The following MID1 variants were observed in gnomAD, a reference collection of about 807,000 sequenced individuals.
The protein encoded by MID1 is midline 1, also known as E3 ubiquitin-protein ligase Midline-1.
MID1 carries 7 observed loss-of-function variants against 40.4 expected under a neutral mutation model. The ratio of observed to expected loss-of-function variants is 0.17; its 90% CI spans 0.10 to 0.33. The LOEUF (loss-of-function observed/expected upper bound fraction) is 0.33. Among genes scored for constraint, MID1 ranks in the 10% least tolerant of loss-of-function variants. MID1 has a pLI of 1.00. For synonymous variants in MID1, 229 were observed against 221.2 expected, an observed-to-expected ratio of 1.04 and a Z score of -0.31; for missense variants, 367 against 558.5, an observed-to-expected ratio of 0.66 and a Z score of 3.46.
At chrX:10,791,207 T>C (rs931939483) in intron 1 of MID1, among the ~76,000 whole-genome samples, 3 of 112,252 alleles carry the variant, frequency 2.7e-5, no homozygotes, top group Non-Finnish European at 5.6e-5. Context: ...TCATTAGGCA[T>C]TGGGAGCACA....
At chrX:10,469,492 T>C in intron 7 of MID1, 1 of 1,139,325 alleles carries the variant, frequency 8.8e-7, no homozygotes, top group Non-Finnish European at 1.2e-6. Flanking sequence ...TTGCTAGAGG[T>C]CATTAATTTT....
intron 1 of MID1, among the ~76,000 whole-genome samples, chrX:10,584,772 A>G: frequency 8.9e-6 from 1 of 112,190 alleles, no homozygotes; most frequent in Admixed American, 9.4e-5. Context: ...TTAGAAGGAA[A>G]ATAATCGCAG....
At chrX:10,607,969 A>G in intron 1 of MID1, among the ~76,000 whole-genome samples, 1 of 112,843 alleles carries the variant, frequency 8.9e-6, no homozygotes, top group East Asian at 2.8e-4. Context: ...ATTATGTGTG[A>G]GAATTTTACC....
At chrX:10,761,795 T>C (rs914472412) in intron 1 of MID1, among the ~76,000 whole-genome samples, 5 of 111,958 alleles carry the variant, frequency 4.5e-5, no homozygotes, top group African/African-American at 1.6e-4. Flanking sequence ...ATGAAGGTAG[T>C]TTGTTATGGG....
chrX:10,506,560 G>A (rs751607373), intron 3 of MID1: 37 of 507,337 alleles, frequency 7.3e-5, no homozygotes, highest in African/African-American at 6.9e-4. Context: ...GGGGAAGGTA[G>A]GCATTAACTT....
intron 1 of MID1, among the ~76,000 whole-genome samples, chrX:10,689,454 C>G (rs2043119290): frequency 9.0e-6 from 1 of 111,497 alleles, no homozygotes; most frequent in Admixed American, 9.5e-5. Context: ...CCCATCAGTT[C>G]CCTCCCCTGA....
At chrX:10,582,875 GC>G (rs772401447) in intron 1 of MID1, 1 of 111,645 alleles carries the variant, frequency 9.0e-6, no homozygotes, top group Non-Finnish European at 1.9e-5. Flanking sequence ...GATTAGCATG[GC>G]CCCAATGCAA....
chrX:10,706,806 G>A (rs780131797), intron 1 of MID1, among the ~76,000 whole-genome samples: 1 of 111,633 alleles, frequency 9.0e-6, no homozygotes, highest in African/African-American at 3.3e-5. Flanking sequence ...TATTGAAAAC[G>A]TTCCTGAAAC....
chrX:10,631,511 T>C (rs1936052041), intron 1 of MID1, among the ~76,000 whole-genome samples: 1 of 111,518 alleles, frequency 9.0e-6, no homozygotes, highest in Non-Finnish European at 1.9e-5. Context: ...CCCTTAACCA[T>C]AGAACTATGA....
At chrX:10,475,551 T>C (rs771564924) in intron 5 of MID1, among the ~76,000 whole-genome samples, 1 of 112,271 alleles carries the variant, frequency 8.9e-6, no homozygotes, top group African/African-American at 3.2e-5. Flanking sequence ...AACACTTTGA[T>C]TCAAAAATGC....
intron 1 of MID1, among the ~76,000 whole-genome samples, chrX:10,741,520 A>T (rs1269705395): frequency 9.2e-6 from 1 of 108,439 alleles, no homozygotes; most frequent in Non-Finnish European, 1.9e-5. Flanking sequence ...AGAAGATTTC[A>T]GTCCTTGAAA....
At chrX:10,682,673 A>C (rs1407886547) in intron 1 of MID1, among the ~76,000 whole-genome samples, 2 of 111,696 alleles carry the variant, frequency 1.8e-5, no homozygotes, top group Non-Finnish European at 3.8e-5. Flanking sequence ...AGACAAGGAT[A>C]TCAGAAAAGA....
At chrX:10,713,130 C>T (rs948050055) in intron 1 of MID1, among the ~76,000 whole-genome samples, 1 of 111,326 alleles carries the variant, frequency 9.0e-6, no homozygotes, top group East Asian at 2.8e-4. Context: ...CCACCACACC[C>T]GGCCAGCAAT....
intron 1 of MID1, chrX:10,589,882 C>G (rs1304920254): frequency 9.1e-6 from 1 of 109,673 alleles, no homozygotes; most frequent in Non-Finnish European, 1.9e-5. Context: ...GACAAAACTC[C>G]TCAGACACCG....
chrX:10,514,150 G>A (rs775235062), intron 3 of MID1, among the ~76,000 whole-genome samples: 32 of 111,799 alleles, frequency 2.9e-4, no homozygotes, highest in Non-Finnish European at 5.3e-4. Flanking sequence ...TCAGAGGCAC[G>A]TACAAGTGTT....
intron 1 of MID1, among the ~76,000 whole-genome samples, chrX:10,792,862 A>C (rs1239193273): frequency 8.9e-6 from 1 of 111,863 alleles, no homozygotes; most frequent in African/African-American, 3.3e-5. Flanking sequence ...TGAATTGTAC[A>C]CTTTGAAAGG....
At chrX:10,805,898 A>G (rs1472567310) in intron 1 of MID1, among the ~76,000 whole-genome samples, 11 of 109,246 alleles carry the variant, frequency 1.0e-4, no homozygotes, top group Non-Finnish European at 1.9e-4. Context: ...CATGTCCTTC[A>G]CCCACTTTTT....
chrX:10,774,655 A>C (rs932521028), intron 1 of MID1, among the ~76,000 whole-genome samples: 33 of 111,721 alleles, frequency 3.0e-4, no homozygotes, highest in African/African-American at 9.7e-4. Flanking sequence ...CAATAAAATT[A>C]GCCTTTGCTG....
chrX:10,631,111 A>G (rs1936048103), intron 1 of MID1, among the ~76,000 whole-genome samples: 1 of 111,331 alleles, frequency 9.0e-6, no homozygotes, highest in Non-Finnish European at 1.9e-5. Context: ...ATAAATACTT[A>G]ATTTATTATT....
Sources: gnomAD v4.1 joint callset for allele counts (sites outside exome capture counted in the v4.1 genomes callset) on GRCh38, gnomAD v4.1.1 for gene constraint, MANE v1.5 for transcripts, NCBI Gene and HGNC (gene_info 2026-07-23, HGNC 2026-07-21) for gene names.